BASP1: variants seen among roughly 807,000 people sequenced by gnomAD.
The protein encoded by BASP1 is brain abundant membrane attached signal protein 1, also known as brain acid soluble protein 1.
BASP1 carries 1 observed loss-of-function variant against 2.2 expected under a neutral mutation model. The observed-to-expected ratio is 0.46, with a 90% CI of 0.16 to 2.17. BASP1 has a LOEUF of 2.17. Ranked by LOEUF, BASP1 falls within the 30% of genes most tolerant of loss-of-function variation. The pLI is 0.27. For missense variants in BASP1, 352 were observed against 327.2 expected, an observed-to-expected ratio of 1.08 and a Z score of -0.58; for synonymous variants, 187 against 154.2, an observed-to-expected ratio of 1.21 and a Z score of -1.58.
chr5:17,264,377 G>C (rs1740375310), intron 1 of BASP1, among the ~76,000 whole-genome samples: 1 of 152,092 alleles, frequency 6.6e-6, no homozygotes, highest in Non-Finnish European at 1.5e-5. Context: ...AACCCAACTT[G>C]TTGGTGATGG....
chr5:17,223,613 C>T (rs1739433368), intron 1 of BASP1, among the ~76,000 whole-genome samples: 1 of 152,078 alleles, frequency 6.6e-6, no homozygotes, highest in South Asian at 2.1e-4. Context: ...TACAACCCAG[C>T]CTCCATACTG....
At position 17,231,566 on chromosome 5, in the gene BASP1, G is replaced by A. The variant is rs568912189; in HGVS notation, c.-10+13756G>A. On this transcript the variant is annotated intron_variant, in intron 1 of 1. Coordinates refer to ENST00000322611, the MANE Select transcript of BASP1 (RefSeq NM_006317.5). ...CCACCCTCTTCAGCCATACCAACAG[G>A]CTCCCAGGTCTCCCAGGGCTCCAAG... is the stretch of plus-strand genomic sequence containing the variant. Among the ~76,000 whole-genome samples, 40 of 152,008 alleles carry A rather than the reference G, an allele frequency of 2.6e-4. No homozygotes were observed. In the South Asian group the frequency reaches 8.1e-3, roughly 31 times the overall value.
At chr5:17,268,578 G>C (rs1740470586) in intron 1 of BASP1, among the ~76,000 whole-genome samples, 1 of 152,118 alleles carries the variant, frequency 6.6e-6, no homozygotes, top group South Asian at 2.1e-4. Context: ...GTGTACAGAG[G>C]GGATCTGGAC....
Position 17,269,308 on chromosome 5 carries a change from T to G in BASP1, c.-9-5900T>G, listed in dbSNP as rs1359162214. On this transcript the variant is annotated intron_variant, in intron 1 of 1. Transcript: ENST00000322611. Reference sequence around the variant, plus strand: ...TTGTGTCAGGACTGAGTGTGTAGTCTAAGCTAACATCAGTTGTAGGAAGTG... The same window carrying G: ...TTGTGTCAGGACTGAGTGTGTAGTCGAAGCTAACATCAGTTGTAGGAAGTG... 2.0e-5 allele frequency among the ~76,000 whole-genome samples: 3 copies of G among 152,242 alleles called. No individual in the cohort carries two copies. In the East Asian group the frequency reaches 5.8e-4, roughly 29 times the overall value.
chr5:17,245,949 G>A (rs560476934), intron 1 of BASP1, among the ~76,000 whole-genome samples: 1 of 151,640 alleles, frequency 6.6e-6, no homozygotes, highest in Non-Finnish European at 1.5e-5. Flanking sequence ...CTAATAAGTC[G>A]AATAATACCA....
At chr5:17,227,540 T>C (rs1443175878) in intron 1 of BASP1, among the ~76,000 whole-genome samples, 1 of 152,124 alleles carries the variant, frequency 6.6e-6, no homozygotes, top group East Asian at 1.9e-4. Flanking sequence ...TAGCTGGGCC[T>C]ACAGGTGCCG....
At chr5:17,241,011 C>T (rs1450453105) in intron 1 of BASP1, among the ~76,000 whole-genome samples, 1 of 151,810 alleles carries the variant, frequency 6.6e-6, no homozygotes, top group Non-Finnish European at 1.5e-5. Context: ...AAAATAACAC[C>T]TTGTAGTCTG....
chr5:17,261,849 C>A (rs551913777), intron 1 of BASP1, among the ~76,000 whole-genome samples: 21 of 152,216 alleles, frequency 1.4e-4, no homozygotes, highest in Non-Finnish European at 2.2e-4. Context: ...TACCAACACT[C>A]TCTGGTATTG....
intron 1 of BASP1, among the ~76,000 whole-genome samples, chr5:17,240,125 AAAAT>A (rs757456707): frequency 3.8e-4 from 50 of 133,094 alleles, no homozygotes; most frequent in Non-Finnish European, 7.0e-4. Context: ...GAAAAAAATA[AAAAT>A]AAAGATAAAT....
At chr5:17,235,487 C>T (rs1295759778) in intron 1 of BASP1, among the ~76,000 whole-genome samples, 2 of 152,120 alleles carry the variant, frequency 1.3e-5, no homozygotes, top group East Asian at 3.9e-4. Flanking sequence ...TGGTCTCGAT[C>T]TCATGACCTC....
intron 1 of BASP1, among the ~76,000 whole-genome samples, chr5:17,226,931 CT>C (rs5866244): frequency 0.39 from 56,946 of 144,480 alleles, 11,820 homozygotes; most frequent in African/African-American, 0.58. Flanking sequence ...ACTCATTTTT[CT>C]TTTTTTTTTT....
rs1190413054 is a variant in BASP1, at chr5:17,275,967, CTCTA to C, written c.*71_*74del. ...CTCCTCTCTCTCTCTCTCTCTCTCT[CTCTA>C]TCTCTCTCTCTATCTCCTCTCTCTC... On this transcript the variant is annotated 3_prime_UTR_variant, in exon 2 of 2. Transcript: ENST00000322611. The surrounding 1 kb of genome is among the most constrained non-coding windows in gnomAD (Gnocchi z 5.3). 248 of 1,184,636 alleles carry C rather than the reference CTCTA, an allele frequency of 2.1e-4. 1 individual carries two copies. The highest frequency in any genetic ancestry group is 1.5e-3 in the African/African-American group (91 of 59,726). The allele number at this position is 1,184,636 out of a possible 1,614,324, so 73.4% of individuals were successfully genotyped here.
intron 1 of BASP1, among the ~76,000 whole-genome samples, chr5:17,244,476 C>T (rs971626483): frequency 2.6e-5 from 4 of 152,132 alleles, no homozygotes; most frequent in African/African-American, 9.7e-5. Context: ...TGAGACTGGG[C>T]ACGGCCAGAG....
In BASP1 at chr5:17,275,995, TCTCTC is replaced by T. The variant is rs1740653436; in HGVS notation, c.*103_*107del. 8 of 1,113,482 alleles carry T rather than the reference TCTCTC, an allele frequency of 7.2e-6. No individual in the cohort carries two copies. Among genetic ancestry groups the T allele is most frequent in the Non-Finnish European group, 9.7e-6 (8 of 820,560 alleles). 69.0% of individuals were successfully genotyped at this position (1,113,482 alleles called of 1,614,324 possible). Reference sequence around the variant, plus strand: ...TATCTCTCTCTCTATCTCCTCTCTCTCTCTCCTCTCCTATCTCTCCTCTCTCTCTC... The same window carrying T: ...TATCTCTCTCTCTATCTCCTCTCTCTCTCTCCTATCTCTCCTCTCTCTCTC... On this transcript the variant is annotated 3_prime_UTR_variant, in exon 2 of 2. Coordinates refer to ENST00000322611, the MANE Select transcript of BASP1 (RefSeq NM_006317.5). The surrounding 1 kb of genome is among the most constrained non-coding windows in gnomAD (Gnocchi z 5.3).
rs373464910 is a variant in BASP1 at position 17,228,417 on chromosome 5, G to A, written c.-10+10607G>A. ...GAAATGAATTCTTAATGGGAAAGGA[G>A]TCCTATGAATATTTCTAAGTTGTTA... On this transcript the variant is annotated intron_variant, in intron 1 of 1. Coordinates refer to ENST00000322611, the MANE Select transcript of BASP1 (RefSeq NM_006317.5). Among the ~76,000 whole-genome samples the A allele has an allele frequency of 3.9e-5, 6 of 152,296 alleles. No homozygotes were observed. In the East Asian group the frequency reaches 5.8e-4, roughly 15 times the overall value.
chr5:17,250,189 C>T (rs1740072734), intron 1 of BASP1, among the ~76,000 whole-genome samples: 3 of 152,184 alleles, frequency 2.0e-5, no homozygotes, highest in African/African-American at 7.2e-5. Context: ...TCAAGTGATC[C>T]ACCTGCCTTG....
At position 17,275,593 on chromosome 5, in the gene BASP1, C is replaced by CCGCGGCCCCGGCCGAGAG. The variant is rs781425516; in HGVS notation, c.387_404dup (p.Glu131_Ala136dup). On this transcript the variant is annotated inframe_insertion, in exon 2 of 2. Transcript: ENST00000322611. This position sits in a 1 kb window ranked among gnomAD's most constrained non-coding sequence, Gnocchi z 5.3. ...GAGGCCCCCAAAGCTGCTGAGGCCG[C>CCGCGGCCCCGGCCGAGAG]CGCGGCCCCGGCCGAGAGCGCGGCC... The CCGCGGCCCCGGCCGAGAG allele has an allele frequency of 1.1e-5, 16 of 1,410,200 alleles. No individual in the cohort carries two copies. Among genetic ancestry groups the CCGCGGCCCCGGCCGAGAG allele is most frequent in the Non-Finnish European group, 1.5e-5 (16 of 1,086,030 alleles). The allele number at this position is 1,410,200 out of a possible 1,614,324, so 87.4% of individuals were successfully genotyped here. A position where few individuals can be genotyped will look rare whatever the true frequency, so the allele number is the denominator to read the frequency against.
In BASP1 at chr5:17,236,410, C is replaced by A. The variant is rs10065452; in HGVS notation, c.-10+18600C>A. ...TCTGGAGTAGCTGGGATTACAGGCACCTGCCACCATGCCTGGCTAATTTTT... is the reference window on the plus strand; with the variant it reads ...TCTGGAGTAGCTGGGATTACAGGCAACTGCCACCATGCCTGGCTAATTTTT... On this transcript the variant is annotated intron_variant, in intron 1 of 1. Transcript: ENST00000322611. The surrounding 1 kb of genome is among the most constrained non-coding windows in gnomAD (Gnocchi z 4.0). Among the ~76,000 whole-genome samples the A allele has an allele frequency of 0.1, 15,617 of 151,992 alleles. 1,211 individuals carry two copies. The highest frequency in any genetic ancestry group is 0.21 in the African/African-American group (8,629 of 41,420).
intron 1 of BASP1, among the ~76,000 whole-genome samples, chr5:17,252,763 C>T (rs1740128286): frequency 6.6e-6 from 1 of 152,204 alleles, no homozygotes; most frequent in Non-Finnish European, 1.5e-5. Context: ...CCTGATTAAT[C>T]TTTGCAATAT....
Sources: gnomAD v4.1 joint callset for allele counts (sites outside exome capture counted in the v4.1 genomes callset) on GRCh38, gnomAD v4.1.1 for gene constraint, Gnocchi (gnomAD v3.1) non-coding constraint, MANE v1.5 for transcripts, NCBI Gene and HGNC (gene_info 2026-07-23, HGNC 2026-07-21) for gene names.